Variants in LRP1B observed in about 807,000 individuals in gnomAD.
LRP1B encodes the protein LDL receptor related protein 1B.
Under a neutral mutation model 556.6 loss-of-function variants are expected in LRP1B, and 217 were observed. The ratio of observed to expected loss-of-function variants is 0.39; its 90% CI spans 0.35 to 0.44. The LOEUF is 0.44. LRP1B is among the 20% of genes least tolerant of loss of function. The probability of loss-of-function intolerance (pLI) is 1.00; values close to 1 mark genes in which losing one functional copy is unlikely to be tolerated. For synonymous variants in LRP1B, 2,047 were observed against 1,865.8 expected, an observed-to-expected ratio of 1.10 and a Z score of -2.50; for missense variants, 5,053 against 5,620.8, an observed-to-expected ratio of 0.90 and a Z score of 3.23.
At chr2:141,607,156 CAAA>C (rs10540068) in intron 2 of LRP1B, among the ~76,000 whole-genome samples, 77,750 of 148,434 alleles carry the variant, frequency 0.52, 20,791 homozygotes, top group Non-Finnish European at 0.59. Context: ...ATTACTTTGA[CAAA>C]AAAAAAAAAA....
At chr2:141,422,587 C>G (rs1355967219) in intron 3 of LRP1B, among the ~76,000 whole-genome samples, 2 of 152,218 alleles carry the variant, frequency 1.3e-5, no homozygotes, top group Admixed American at 1.3e-4. Flanking sequence ...TGCACACACA[C>G]ATATGCATTC....
intron 3 of LRP1B, among the ~76,000 whole-genome samples, chr2:141,287,999 G>T (rs1180870872): frequency 2.6e-5 from 4 of 151,864 alleles, no homozygotes; most frequent in African/African-American, 9.7e-5. Context: ...TGGTGTGATG[G>T]CACCAGTGAT....
intron 7 of LRP1B, among the ~76,000 whole-genome samples, chr2:141,153,021 G>A (rs1189443835): frequency 1.3e-5 from 2 of 150,142 alleles, no homozygotes; most frequent in African/African-American, 2.4e-5. Flanking sequence ...TACAAAAGAT[G>A]ATCATATGAA....
At chr2:140,383,528 T>C (rs1683628850) in intron 67 of LRP1B, among the ~76,000 whole-genome samples, 2 of 152,110 alleles carry the variant, frequency 1.3e-5, no homozygotes, top group Admixed American at 1.3e-4. Flanking sequence ...ACCTTCCCAT[T>C]TCTTCTGGCC....
At chr2:140,702,326 A>G (rs1263176469) in intron 38 of LRP1B, 34 bp from the exon 39 acceptor site, 1 of 1,608,538 alleles carries the variant, frequency 6.2e-7, no homozygotes, top group African/African-American at 1.3e-5. Flanking sequence ...GTTACAGACT[A>G]TATTTGATTG....
intron 3 of LRP1B, among the ~76,000 whole-genome samples, chr2:141,326,346 T>A (rs1336471790): frequency 1.3e-5 from 2 of 152,126 alleles, no homozygotes; most frequent in African/African-American, 2.4e-5. Context: ...GATTTTAAGT[T>A]AATAAGTATA....
intron 3 of LRP1B, among the ~76,000 whole-genome samples, chr2:141,331,512 T>TTC (rs1687648641): frequency 3.0e-5 from 2 of 66,256 alleles, no homozygotes; most frequent in South Asian, 3.8e-4. Flanking sequence ...CCTTCTTTCT[T>TTC]TCTTTCTTTC....
chr2:140,423,867 T>C (rs1685550195), intron 66 of LRP1B, among the ~76,000 whole-genome samples: 1 of 152,128 alleles, frequency 6.6e-6, no homozygotes, highest in African/African-American at 2.4e-5. Flanking sequence ...TAAAATATTA[T>C]GCCCTGAAAG....
At position 141,229,368 on chromosome 2, in the gene LRP1B, C is replaced by G. The variant is rs1683373408; in HGVS notation, c.665G>C (p.Ser222Thr). 1.2e-6 allele frequency: 2 copies of G among 1,610,818 alleles called. No individual in the cohort carries two copies. The highest frequency in any genetic ancestry group is 1.7e-6 in the Non-Finnish European group (2 of 1,177,398). The change falls in exon 6 of 91, where the codon AGT becomes ACT. Residue 222 changes from serine (S) to threonine (T), a missense_variant. Around this residue, in one of 5 missense-constraint regions of LRP1B, gnomAD observed 3,619 missense variants for 3,931.9 expected, o/e 0.92. Coordinates refer to ENST00000389484, the MANE Select transcript of LRP1B (RefSeq NM_018557.3). ...GACTGAGCTTAGAGTTGCCATTTTA[C>G]TTCCATTAAGATAGAAAACCTCAAT... is the stretch of plus-strand genomic sequence containing the variant. The part of the protein sequence containing the change: ...ETIEVFYLNG[S>T]KMATLSSVNG...
At chr2:140,838,638 T>G (rs750833671) in intron 31 of LRP1B, among the ~76,000 whole-genome samples, 1 of 152,110 alleles carries the variant, frequency 6.6e-6, no homozygotes, top group Non-Finnish European at 1.5e-5. Context: ...ATATATTGAT[T>G]CTTTTCCCAG....
chr2:141,908,975 G>T (rs931044827), intron 1 of LRP1B, among the ~76,000 whole-genome samples: 1 of 152,092 alleles, frequency 6.6e-6, no homozygotes, highest in African/African-American at 2.4e-5. Flanking sequence ...GGCAGTTACG[G>T]TAGCCATGGA....
At chr2:140,520,798 G>GAAAAAAAAAAAAAAA (rs757383865) in intron 49 of LRP1B, among the ~76,000 whole-genome samples, 1 of 86,446 alleles carries the variant, frequency 1.2e-5, no homozygotes, top group Non-Finnish European at 2.1e-5. Flanking sequence ...TAAGAAAACA[G>GAAAAAAAAAAAAAAA]AAAAAAAAAA....
At chr2:140,873,291 A>G (rs952019396) in intron 25 of LRP1B, among the ~76,000 whole-genome samples, 7 of 152,248 alleles carry the variant, frequency 4.6e-5, no homozygotes, top group African/African-American at 1.7e-4. Context: ...TCTTTAATAA[A>G]TAAGACATTA....
chr2:140,456,237 TTTTC>T (rs1213180254), intron 62 of LRP1B, among the ~76,000 whole-genome samples: 2 of 152,200 alleles, frequency 1.3e-5, no homozygotes, highest in African/African-American at 4.8e-5. Context: ...TAATTTTTTC[TTTTC>T]TTTCTCTCTC....
intron 2 of LRP1B, among the ~76,000 whole-genome samples, chr2:141,563,492 G>A (rs112084103): frequency 3.9e-5 from 6 of 152,100 alleles, no homozygotes; most frequent in African/African-American, 1.4e-4. Context: ...AGAAGAAAAT[G>A]AATGAAATAC....
intron 1 of LRP1B, among the ~76,000 whole-genome samples, chr2:141,829,348 T>A (rs936713570): frequency 9.9e-5 from 15 of 152,080 alleles, no homozygotes; most frequent in African/African-American, 3.6e-4. Flanking sequence ...AAAGAGCGTA[T>A]AACTAACGCA....
chr2:141,814,958 A>G (rs1407846771), intron 1 of LRP1B, among the ~76,000 whole-genome samples: 1 of 152,136 alleles, frequency 6.6e-6, no homozygotes, highest in Non-Finnish European at 1.5e-5. Flanking sequence ...CAGGATGAGG[A>G]TGCAAGGGGA....
intron 25 of LRP1B, among the ~76,000 whole-genome samples, chr2:140,872,360 A>ATTTTTTTTTTTTTTTTTTTTTTTTTTTT (rs59469282): frequency 5.0e-5 from 3 of 60,496 alleles, no homozygotes; most frequent in African/African-American, 6.8e-5. Context: ...GTGTCACCTG[A>ATTTTTTTTTTTTTTTTTTTTTTTTTTTT]TTTTTTTTTT....
chr2:140,513,988 C>G (rs946550131), intron 51 of LRP1B, among the ~76,000 whole-genome samples: 4 of 151,900 alleles, frequency 2.6e-5, no homozygotes, highest in African/African-American at 4.8e-5. Flanking sequence ...TAGCTTGTTT[C>G]CTTCTTTTAC....
Sources: gnomAD v4.1 joint callset for allele counts (sites outside exome capture counted in the v4.1 genomes callset) on GRCh38, gnomAD v4.1.1 for gene constraint, gnomAD v4.1.1 regional missense constraint, MANE v1.5 for transcripts, NCBI Gene and HGNC (gene_info 2026-07-23, HGNC 2026-07-21) for gene names.